HDAC9: variants seen among roughly 807,000 people sequenced by gnomAD.
The protein encoded by HDAC9 is MEF-2 interacting transcription repressor (MITR) protein.
A neutral mutation model predicts 139.4 loss-of-function variants in HDAC9; 41 were observed. The ratio of observed to expected loss-of-function variants is 0.29; its 90% CI spans 0.23 to 0.38. The LOEUF (loss-of-function observed/expected upper bound fraction) is 0.38, where lower values mean the gene tolerates loss of function less well. Ranked by LOEUF, HDAC9 falls within the 10% of genes least tolerant of loss-of-function variation. The probability of loss-of-function intolerance (pLI) is 1.00; values close to 1 mark genes in which losing one functional copy is unlikely to be tolerated. For missense variants in HDAC9, 1,147 were observed against 1,297.0 expected (o/e 0.88, Z 1.78); for synonymous variants, 517 against 476.2 (o/e 1.09, Z -1.12).
intron 12 of HDAC9, among the ~76,000 whole-genome samples, chr7:18,690,594 G>A (rs1360799334): frequency 4.6e-5 from 7 of 151,764 alleles, no homozygotes; most frequent in East Asian, 3.9e-4. Flanking sequence ...AGAAGCAGCC[G>A]CCTTTCTATT....
chr7:18,114,856 A>G (rs1405232716), intron 1 of HDAC9, among the ~76,000 whole-genome samples: 1 of 152,226 alleles, frequency 6.6e-6, no homozygotes, highest in African/African-American at 2.4e-5. Flanking sequence ...GTGGGACTAT[A>G]TATTCAGACT....
At chr7:18,418,626 T>C (rs950538761) in intron 1 of HDAC9, among the ~76,000 whole-genome samples, 1 of 152,172 alleles carries the variant, frequency 6.6e-6, no homozygotes, top group African/African-American at 2.4e-5. Flanking sequence ...CAAAACTAAA[T>C]TTATTCAATT....
At chr7:18,870,890 T>G (rs188892821) in intron 21 of HDAC9, among the ~76,000 whole-genome samples, 38 of 152,220 alleles carry the variant, frequency 2.5e-4, no homozygotes, top group Middle Eastern at 6.8e-3. Context: ...GTGGAACCCC[T>G]AGGCTCAAGC....
rs149147226 is a variant in HDAC9, at chr7:18,107,506, G to GCTCT, written c.-97+20309_-97+20312dup. Among the ~76,000 whole-genome samples the GCTCT allele has an allele frequency of 3.4e-3, 500 of 148,068 alleles. 5 individuals are homozygous for GCTCT. Among genetic ancestry groups the GCTCT allele is most frequent in the Middle Eastern group, 0.028 (8 of 288 alleles). ...TGAAATACAACTTGATCTCTTTCTT[G>GCTCT]CTCTCTCTCTCTCTCTCTCACACGC... On this transcript the variant is annotated intron_variant, in intron 1 of 12. Coordinates refer to the HDAC9 transcript ENST00000417496.
intron 6 of HDAC9, among the ~76,000 whole-genome samples, chr7:18,619,739 A>G (rs1344031225): frequency 1.3e-5 from 2 of 152,134 alleles, no homozygotes; most frequent in Admixed American, 6.6e-5. Context: ...TGTGTTTGAT[A>G]TTTATCTTTG....
intron 12 of HDAC9, among the ~76,000 whole-genome samples, chr7:18,709,501 TTA>T (rs201939592): frequency 0.021 from 3,260 of 152,314 alleles, 55 homozygotes; most frequent in Non-Finnish European, 0.03. Flanking sequence ...ATGGGTTAAA[TTA>T]TATCTATTTA....
intron 2 of HDAC9, among the ~76,000 whole-genome samples, chr7:18,265,782 T>C (rs1055464881): frequency 6.6e-6 from 1 of 152,208 alleles, no homozygotes; most frequent in African/African-American, 2.4e-5. Context: ...TGGATTTTCA[T>C]ATCTGCTTCT....
At chr7:18,766,311 G>A (rs1019187741) in intron 15 of HDAC9, among the ~76,000 whole-genome samples, 1 of 152,106 alleles carries the variant, frequency 6.6e-6, no homozygotes, top group African/African-American at 2.4e-5. Flanking sequence ...AGTTACTACT[G>A]TTTTTCTCTA....
chr7:18,569,681 C>T (rs1266042246), intron 2 of HDAC9, among the ~76,000 whole-genome samples: 1 of 152,156 alleles, frequency 6.6e-6, no homozygotes, highest in Admixed American at 6.5e-5. Flanking sequence ...ATTACATTTT[C>T]TTATGCCAAA....
intron 17 of HDAC9, among the ~76,000 whole-genome samples, chr7:18,797,974 A>T (rs1269430120): frequency 6.6e-6 from 1 of 152,076 alleles, no homozygotes; most frequent in East Asian, 1.9e-4. Context: ...GTGGAGATAT[A>T]TATATATATA....
chr7:18,869,420 T>G (rs148892285), intron 21 of HDAC9, among the ~76,000 whole-genome samples: 38 of 152,128 alleles, frequency 2.5e-4, no homozygotes, highest in African/African-American at 8.4e-4. Context: ...TCTCTCTTCC[T>G]CCTACTCTGC....
chr7:18,472,379 A>G (rs967274082), intron 1 of HDAC9, among the ~76,000 whole-genome samples: 11 of 152,156 alleles, frequency 7.2e-5, no homozygotes, highest in African/African-American at 2.7e-4. Context: ...TAAGGATCCT[A>G]GAAAGAGAAT....
At chr7:18,955,904 C>T (rs1473031674) in intron 24 of HDAC9, among the ~76,000 whole-genome samples, 5 of 152,098 alleles carry the variant, frequency 3.3e-5, no homozygotes, top group African/African-American at 1.2e-4. Context: ...GTGAAGGACT[C>T]TATTTCCACA....
chr7:18,730,893 C>G (rs531437917), intron 13 of HDAC9, among the ~76,000 whole-genome samples: 2 of 152,140 alleles, frequency 1.3e-5, no homozygotes, highest in Non-Finnish European at 2.9e-5. Context: ...CTGTTAGCAT[C>G]ACTACTCTTG....
intron 24 of HDAC9, among the ~76,000 whole-genome samples, chr7:18,971,495 T>C (rs975888413): frequency 1.6e-4 from 25 of 152,230 alleles, no homozygotes; most frequent in African/African-American, 6.0e-4. Context: ...CCAATAGATA[T>C]GACTTTCTTG....
At chr7:18,342,667 A>G (rs957495933) in intron 1 of HDAC9, among the ~76,000 whole-genome samples, 1 of 151,828 alleles carries the variant, frequency 6.6e-6, no homozygotes, top group Non-Finnish European at 1.5e-5. Context: ...GTGGCTGATA[A>G]ATTTTACTGA....
At chr7:18,599,083 T>C (rs1254044419) in intron 6 of HDAC9, among the ~76,000 whole-genome samples, 2 of 152,252 alleles carry the variant, frequency 1.3e-5, no homozygotes, top group African/African-American at 2.4e-5. Context: ...CTGATTGATG[T>C]TCTGTGCTCA....
At chr7:18,149,489 G>A (rs1430537893) in intron 1 of HDAC9, among the ~76,000 whole-genome samples, 3 of 150,084 alleles carry the variant, frequency 2.0e-5, no homozygotes, top group Non-Finnish European at 3.0e-5. Context: ...CTGAGTAACT[G>A]GGACTACAGG....
intron 1 of HDAC9, among the ~76,000 whole-genome samples, chr7:18,129,643 T>A (rs1178373): frequency 0.19 from 29,286 of 152,096 alleles, 3,680 homozygotes; most frequent in African/African-American, 0.35. Context: ...TATCTGTAGC[T>A]TGTGCAGTCT....
Sources: allele counts gnomAD v4.1 joint callset (sites outside exome capture counted in the v4.1 genomes callset), GRCh38; gene constraint gnomAD v4.1.1; transcripts MANE v1.5; gene names NCBI Gene and HGNC (gene_info 2026-07-23, HGNC 2026-07-21).